The following ZWILCH variants were observed in gnomAD, a reference collection of about 807,000 sequenced individuals.
ZWILCH encodes the protein protein zwilch homolog.
ZWILCH carries 74 observed loss-of-function variants against 79.9 expected under a neutral mutation model. The ratio of observed to expected loss-of-function variants is 0.93; its 90% CI spans 0.77 to 1.12. The LOEUF is 1.12. ZWILCH is among the 50% of genes most tolerant of loss of function. The pLI, the probability that ZWILCH is intolerant of heterozygous loss-of-function variation, is 0.00. For missense variants in ZWILCH, 694 were observed against 687.5 expected (o/e 1.01, Z -0.11); for synonymous variants, 241 against 228.2 (o/e 1.06, Z -0.51).
intron 15 of ZWILCH, 118 bp downstream of exon 15, chr15:66,536,187 C>G (rs751596772): frequency 1.2e-6 from 1 of 861,490 alleles, no homozygotes; most frequent in South Asian, 2.1e-5. Context: ...CCTGTCTTTA[C>G]AGTAGCATGC....
rs574211911 is a variant in ZWILCH at position 66,549,819 on chromosome 15, GAATGGATAA to G, written c.*1509_*1517del. 207 of 379,850 alleles carry G rather than the reference GAATGGATAA, an allele frequency of 5.4e-4. No individual in the cohort carries two copies. The highest frequency in any genetic ancestry group is 2.2e-3 in the Middle Eastern group (3 of 1,368). The allele number at this position is 379,850 out of a possible 1,614,324, so 23.5% of individuals were successfully genotyped here. ...GTATGATTCTGAAAGAATAAAACTT[GAATGGATAA>G]AATGGATAAAATGTTTATCTTTCAT... is the stretch of plus-strand genomic sequence containing the variant. On this transcript the variant is annotated 3_prime_UTR_variant, in exon 19 of 19. Transcript: ENST00000307897.
chr15:66,519,807 A>AC (rs1479474844), intron 5 of ZWILCH, among the ~76,000 whole-genome samples: 4 of 151,646 alleles, frequency 2.6e-5, no homozygotes, highest in Non-Finnish European at 5.9e-5. Context: ...TTATTTACTT[A>AC]TTTTTTTAGA....
At chr15:66,531,772 A>G (rs975287935) in intron 12 of ZWILCH, among the ~76,000 whole-genome samples, 1 of 152,054 alleles carries the variant, frequency 6.6e-6, no homozygotes, top group Non-Finnish European at 1.5e-5. Context: ...ATGGCATTTG[A>G]AAAACTGACG....
intron 4 of ZWILCH, among the ~76,000 whole-genome samples, 184 bp from the exon 5 acceptor site, chr15:66,518,695 C>T (rs957078598): frequency 2.0e-5 from 3 of 152,140 alleles, no homozygotes; most frequent in African/African-American, 7.2e-5. Flanking sequence ...TCTGTAGTCC[C>T]AGCTATTTGG....
intron 8 of ZWILCH, 50 bp from the exon 9 acceptor site, chr15:66,527,240 A>C (rs1894703142): frequency 1.6e-6 from 2 of 1,280,084 alleles, no homozygotes; most frequent in Non-Finnish European, 2.3e-6. Context: ...CTTATTGATT[A>C]AACAGTGTTT....
intron 9 of ZWILCH, 29 bp from the exon 10 acceptor site, chr15:66,527,828 A>C (rs1385452249): frequency 6.3e-7 from 1 of 1,583,448 alleles, no homozygotes; most frequent in Non-Finnish European, 8.6e-7. Flanking sequence ...AGAAAAATCA[A>C]GAGCTAATAA....
At chr15:66,539,675 T>A (rs972582659) in intron 16 of ZWILCH, among the ~76,000 whole-genome samples, 1 of 152,204 alleles carries the variant, frequency 6.6e-6, no homozygotes, top group Non-Finnish European at 1.5e-5. Context: ...GATGCTGTGT[T>A]ACTGCATTTC....
intron 8 of ZWILCH, among the ~76,000 whole-genome samples, chr15:66,525,784 C>T (rs186388129): frequency 1.1e-3 from 121 of 111,936 alleles, no homozygotes; most frequent in African/African-American, 3.7e-3. Context: ...TTTTTTGAGA[C>T]GGAGTCTCAC....
chr15:66,511,740 C>G (rs1339145345), intron 2 of ZWILCH, among the ~76,000 whole-genome samples: 1 of 152,064 alleles, frequency 6.6e-6, no homozygotes, highest in African/African-American at 2.4e-5. Context: ...TTCAGCCTCC[C>G]AAGTAGCTGG....
chr15:66,527,939 A>T, intron 10 of ZWILCH, 27 bp downstream of exon 10: 2 of 1,556,688 alleles, frequency 1.3e-6, no homozygotes, highest in Non-Finnish European at 1.7e-6. Context: ...AGTTAGAAAT[A>T]TACACAGAAA....
chr15:66,507,028 TG>T (rs1448849004), intron 1 of ZWILCH, among the ~76,000 whole-genome samples: 1 of 152,046 alleles, frequency 6.6e-6, no homozygotes, highest in Non-Finnish European at 1.5e-5. Flanking sequence ...AGCTGATTTT[TG>T]TATTTTTATT....
chr15:66,523,490 G>T (rs1894574857), intron 7 of ZWILCH, 187 bp from the exon 8 acceptor site: 2 of 513,436 alleles, frequency 3.9e-6, no homozygotes, highest in Non-Finnish European at 7.0e-6. Context: ...TAGATTATTG[G>T]GTCAAGATGG....
At chr15:66,545,340 G>A (rs1046327181) in intron 17 of ZWILCH, among the ~76,000 whole-genome samples, 1 of 152,042 alleles carries the variant, frequency 6.6e-6, no homozygotes, top group African/African-American at 2.4e-5. Context: ...GGCAGCAATA[G>A]CAAAATTCTG....
intron 2 of ZWILCH, 40 bp downstream of exon 2, chr15:66,508,932 A>G (rs1893925575): frequency 6.2e-7 from 1 of 1,603,680 alleles, no homozygotes; most frequent in Non-Finnish European, 8.5e-7. Flanking sequence ...TCTAATCCTA[A>G]AATTGTCTGT....
At chr15:66,539,814 C>G (rs1895136000) in intron 16 of ZWILCH, among the ~76,000 whole-genome samples, 1 of 152,148 alleles carries the variant, frequency 6.6e-6, no homozygotes, top group African/African-American at 2.4e-5. Context: ...TCTGAGGATT[C>G]TTTCCAACTC....
chr15:66,546,805 G>T, intron 18 of ZWILCH, 100 bp downstream of exon 18: 1 of 509,892 alleles, frequency 2.0e-6, no homozygotes. Context: ...GCTACATTAG[G>T]AATAGGGATT....
chr15:66,523,194 T>C (rs1339608719), intron 7 of ZWILCH, among the ~76,000 whole-genome samples: 1 of 152,226 alleles, frequency 6.6e-6, no homozygotes, highest in Non-Finnish European at 1.5e-5. Context: ...GTTTTTCTTT[T>C]TTTATGTTTG....
chr15:66,510,373 C>T (rs1291741746), intron 2 of ZWILCH, among the ~76,000 whole-genome samples: 14 of 139,884 alleles, frequency 1.0e-4, no homozygotes, highest in African/African-American at 3.6e-4. Flanking sequence ...GGCGACAGAG[C>T]GAGACTATCT....
chr15:66,517,521 CTT>C (rs1480311152), intron 4 of ZWILCH, among the ~76,000 whole-genome samples: 1 of 144,926 alleles, frequency 6.9e-6, no homozygotes, highest in Non-Finnish European at 1.5e-5. Context: ...ATCTGGCACT[CTT>C]TTACCCCTAA....
Sources: gnomAD v4.1 joint callset for allele counts (sites outside exome capture counted in the v4.1 genomes callset) on GRCh38, gnomAD v4.1.1 for gene constraint, MANE v1.5 for transcripts, NCBI Gene and HGNC (gene_info 2026-07-23, HGNC 2026-07-21) for gene names.